Variants in DCHS2 observed in about 807,000 individuals in gnomAD.
DCHS2 encodes protocadherin-23.
A neutral mutation model predicts 182.4 loss-of-function variants in DCHS2; 142 were observed. The ratio of observed to expected loss-of-function variants is 0.78; its 90% CI spans 0.68 to 0.89. The LOEUF (loss-of-function observed/expected upper bound fraction) is 0.89, where lower values mean the gene tolerates loss of function less well. Ranked by LOEUF, DCHS2 falls within the 40% of genes least tolerant of loss-of-function variation. The pLI is 0.00. For missense variants in DCHS2, 4,319 were observed against 4,198.6 expected (o/e 1.03, Z -0.79); for synonymous variants, 1,740 against 1,663.3 (o/e 1.05, Z -1.12).
chr4:154,343,757 G>A (rs1729221791), intron 3 of DCHS2: 1 of 1,081,622 alleles, frequency 9.2e-7, no homozygotes, highest in Admixed American at 4.2e-5. Context: ...TCAGCAATGA[G>A]TCTCTTTTGC....
At chr4:154,254,000 G>A (rs1489979354) in intron 16 of DCHS2, among the ~76,000 whole-genome samples, 1 of 152,178 alleles carries the variant, frequency 6.6e-6, no homozygotes, top group Non-Finnish European at 1.5e-5. Context: ...CTTAGAAGCA[G>A]AATACTTAAG....
chr4:154,435,094 C>T (rs941822996), intron 1 of DCHS2, among the ~76,000 whole-genome samples: 2 of 152,058 alleles, frequency 1.3e-5, no homozygotes, highest in South Asian at 4.1e-4. Context: ...TTGACAAATG[C>T]ACCATGGAAA....
At chr4:154,469,841 CT>C (rs1735387586) in intron 1 of DCHS2, among the ~76,000 whole-genome samples, 1 of 152,208 alleles carries the variant, frequency 6.6e-6, no homozygotes, top group Admixed American at 6.5e-5. Flanking sequence ...TTAGACAAAC[CT>C]TTCCTTCCTA....
chr4:154,454,244 T>C (rs1236893134), intron 1 of DCHS2, among the ~76,000 whole-genome samples: 1 of 152,090 alleles, frequency 6.6e-6, no homozygotes, highest in African/African-American at 2.4e-5. Context: ...GACAACAATC[T>C]GCCTATTCTT....
At chr4:154,317,867 A>G (rs1326530480) in intron 9 of DCHS2, among the ~76,000 whole-genome samples, 1 of 152,226 alleles carries the variant, frequency 6.6e-6, no homozygotes, top group Non-Finnish European at 1.5e-5. Flanking sequence ...AAAAAAAGAA[A>G]TGTTACAATT....
intron 1 of DCHS2, among the ~76,000 whole-genome samples, chr4:154,413,505 G>A (rs1405775328): frequency 6.6e-6 from 1 of 152,144 alleles, no homozygotes; most frequent in African/African-American, 2.4e-5. Flanking sequence ...CTCTGATGCT[G>A]GATATCTCCA....
chr4:154,334,605 A>C, intron 4 of DCHS2: 1 of 378,102 alleles, frequency 2.6e-6, no homozygotes, highest in Non-Finnish European at 4.8e-6. Context: ...GGGTTATAGG[A>C]GACATATATT....
intron 11 of DCHS2, 54 bp downstream of exon 11, chr4:154,305,043 T>C (rs577497554): frequency 2.6e-6 from 4 of 1,514,194 alleles, no homozygotes; most frequent in East Asian, 2.5e-5. Context: ...AACAGGTTTT[T>C]TTTAAATTTA....
At chr4:154,414,775 A>T (rs1309776376) in intron 1 of DCHS2, among the ~76,000 whole-genome samples, 1 of 152,190 alleles carries the variant, frequency 6.6e-6, no homozygotes, top group African/African-American at 2.4e-5. Context: ...TAGAGAAGTG[A>T]AAGGAAAGAC....
At chr4:154,347,980 C>A (rs1365152940) in intron 3 of DCHS2, among the ~76,000 whole-genome samples, 1 of 151,940 alleles carries the variant, frequency 6.6e-6, no homozygotes, top group Non-Finnish European at 1.5e-5. Flanking sequence ...AGGTGGCAGA[C>A]TCTTATAGTT....
At chr4:154,322,662 T>G (rs1239356626) in intron 7 of DCHS2, 174 bp from the exon 8 acceptor site, 12 of 855,622 alleles carry the variant, frequency 1.4e-5, no homozygotes, top group Non-Finnish European at 2.0e-5. Context: ...TTAAAAATTT[T>G]TATTATGGAA....
intron 1 of DCHS2, among the ~76,000 whole-genome samples, chr4:154,384,966 C>T (rs952788383): frequency 6.6e-6 from 1 of 151,740 alleles, no homozygotes; most frequent in African/African-American, 2.4e-5. Flanking sequence ...GGTACATGTG[C>T]ACAATGTGCA....
intron 1 of DCHS2, among the ~76,000 whole-genome samples, chr4:154,461,548 A>G (rs1275373211): frequency 6.6e-6 from 1 of 152,204 alleles, no homozygotes; most frequent in Non-Finnish European, 1.5e-5. Flanking sequence ...GAAAATATAT[A>G]AAATGGAAAA....
At chr4:154,437,209 C>T (rs1733816266) in intron 1 of DCHS2, among the ~76,000 whole-genome samples, 1 of 152,166 alleles carries the variant, frequency 6.6e-6, no homozygotes, top group South Asian at 2.1e-4. Context: ...GGTCCCACTC[C>T]TGAACTATTA....
At chr4:154,375,013 A>G (rs550103776) in intron 2 of DCHS2, among the ~76,000 whole-genome samples, 1 of 152,294 alleles carries the variant, frequency 6.6e-6, no homozygotes, top group East Asian at 1.9e-4. Flanking sequence ...GAACAAAGCT[A>G]AAAGAATGTA....
chr4:154,437,034 C>T (rs1339708943), intron 1 of DCHS2, among the ~76,000 whole-genome samples: 2 of 152,150 alleles, frequency 1.3e-5, no homozygotes, highest in East Asian at 1.9e-4. Context: ...TGGCTCACAT[C>T]GGTGGCTCAC....
chr4:154,313,444 A>G (rs1735743203), intron 10 of DCHS2, among the ~76,000 whole-genome samples: 1 of 152,206 alleles, frequency 6.6e-6, no homozygotes, highest in Non-Finnish European at 1.5e-5. Context: ...ACTGCATCGT[A>G]GAATGCTAGA....
intron 1 of DCHS2, among the ~76,000 whole-genome samples, chr4:154,442,585 C>G (rs1317681418): frequency 1.5e-5 from 2 of 134,864 alleles, no homozygotes; most frequent in Non-Finnish European, 3.1e-5. Flanking sequence ...TACGTTGACA[C>G]CTTCTTGTGT....
At chr4:154,251,766 G>T (rs556668195) in intron 16 of DCHS2, among the ~76,000 whole-genome samples, 3 of 152,066 alleles carry the variant, frequency 2.0e-5, no homozygotes, top group Admixed American at 2.0e-4. Flanking sequence ...TGATCTGCCC[G>T]CCTCAGCCTC....
Sources: allele counts gnomAD v4.1 joint callset (sites outside exome capture counted in the v4.1 genomes callset), GRCh38; gene constraint gnomAD v4.1.1; transcripts MANE v1.5; gene names NCBI Gene and HGNC (gene_info 2026-07-23, HGNC 2026-07-21).